The following NKTR variants were observed in gnomAD, a reference collection of about 807,000 sequenced individuals.
NKTR encodes NK-tumor recognition protein.
Under a neutral mutation model 156.3 loss-of-function variants are expected in NKTR, and 67 were observed. The ratio of observed to expected loss-of-function variants is 0.43; its 90% CI spans 0.35 to 0.53. The LOEUF is 0.53. NKTR is among the 20% of genes least tolerant of loss of function. The probability of loss-of-function intolerance (pLI) is 0.01; values close to 1 mark genes in which losing one functional copy is unlikely to be tolerated. For missense variants in NKTR, 1,604 were observed against 1,730.9 expected, an observed-to-expected ratio of 0.93 and a Z score of 1.30; for synonymous variants, 640 against 596.6, an observed-to-expected ratio of 1.07 and a Z score of -1.06.
In NKTR at chr3:42,617,685, A is replaced by G. The variant is rs749487004; in HGVS notation, c.133+41A>G. On this transcript the variant is annotated intron_variant, in intron 3 of 16. Transcript: ENST00000232978. The stretch of plus-strand genomic sequence containing the variant: ...TTTCCAATGAGAAGCTGTGGCTTAC[A>G]GTTTTACCTTGCTGAACAGAATAGA... The G allele has an allele frequency of 2.6e-5, 27 of 1,054,106 alleles. 1 individual carries two copies. The highest frequency in any genetic ancestry group is 3.9e-5 in the Non-Finnish European group (26 of 671,548). The allele number at this position is 1,054,106 out of a possible 1,614,324, so 65.3% of individuals were successfully genotyped here. A position where few individuals can be genotyped will look rare whatever the true frequency, so the allele number is the denominator to read the frequency against.
chr3:42,625,860 T>A (rs1360169866), intron 6 of NKTR, among the ~76,000 whole-genome samples: 1 of 152,204 alleles, frequency 6.6e-6, no homozygotes, highest in African/African-American at 2.4e-5. Flanking sequence ...ACTTACGTGC[T>A]AGCAATGTGG....
intron 6 of NKTR, chr3:42,628,494 C>T: frequency 1.0e-6 from 1 of 985,382 alleles, no homozygotes; most frequent in Non-Finnish European, 1.2e-6. Context: ...GTGGTTTTTA[C>T]AGCCTTTCTA....
intron 2 of NKTR, among the ~76,000 whole-genome samples, chr3:42,609,106 C>T (rs976645670): frequency 6.8e-6 from 1 of 147,830 alleles, no homozygotes; most frequent in Non-Finnish European, 1.5e-5. Flanking sequence ...CCTGCCTGGG[C>T]AATAGAGCAA....
At chr3:42,640,852 GC>G (rs1709829268) in intron 13 of NKTR, among the ~76,000 whole-genome samples, 1 of 152,114 alleles carries the variant, frequency 6.6e-6, no homozygotes, top group African/African-American at 2.4e-5. Flanking sequence ...CTTCCTCATG[GC>G]CTTTTCTCTC....
chr3:42,630,450 T>A (rs1359185585), intron 6 of NKTR, 96 bp from the exon 7 acceptor site: 30 of 1,587,162 alleles, frequency 1.9e-5, no homozygotes, highest in Non-Finnish European at 2.5e-5. Flanking sequence ...TATCTTTACT[T>A]CTTTGTTCTC....
rs551622313 is a variant in NKTR, at chr3:42,629,565, C to G, written c.375-981C>G. On this transcript the variant is annotated intron_variant, in intron 6 of 16. Transcript: ENST00000232978. ...ATATGGCAGCTTCTAGTACAGTTGA[C>G]TGCTTTAACATGGCCTGACATCTAG... is the stretch of plus-strand genomic sequence containing the variant. 11 of 984,142 alleles carry G rather than the reference C, an allele frequency of 1.1e-5. No individual in the cohort carries two copies. In the South Asian group the frequency reaches 4.7e-4, roughly 42 times the overall value. The allele number at this position is 984,142 out of a possible 1,614,324, so 61.0% of individuals were successfully genotyped here.
chr3:42,639,964 C>T (rs1217406303), intron 13 of NKTR, among the ~76,000 whole-genome samples: 3 of 152,102 alleles, frequency 2.0e-5, no homozygotes, highest in African/African-American at 4.8e-5. Context: ...CTATTACTAT[C>T]AGTTTAAAGC....
Position 42,619,064 on chromosome 3 carries a change from A to T in NKTR, c.178A>T (p.Lys60Ter), listed in dbSNP as rs762655241. 3.1e-6 allele frequency: 5 copies of T among 1,608,630 alleles called. No individual in the cohort carries two copies. Residue 60 changes from lysine (K) to a stop codon, truncating the protein, a stop_gained, in exon 4 of 17, where the codon AAA (lysine) becomes TAA (stop). Coordinates refer to ENST00000232978, the MANE Select transcript of NKTR (RefSeq NM_005385.4). LOFTEE classifies it high-confidence loss of function. The stretch of plus-strand genomic sequence containing the variant: ...AACAACTGGGAAGAAGTTATGTTAT[A>T]AAGGTTCTACGTTCCATCGTGTGGT... The part of the protein sequence containing the change: ...GKTTGKKLCY[K>*]GSTFHRVVKN...
chr3:42,606,254 CA>C (rs1279577289), intron 2 of NKTR, among the ~76,000 whole-genome samples: 1 of 152,164 alleles, frequency 6.6e-6, no homozygotes, highest in Non-Finnish European at 1.5e-5. Context: ...TTGTCCCCCC[CA>C]GTTCCCATTT....
At position 42,637,216 on chromosome 3, in the gene NKTR, T is replaced by G. The variant is rs1709506335; in HGVS notation, c.1512T>G (p.Asp504Glu). The stretch of plus-strand genomic sequence containing the variant: ...CAAAGAGAGACTGGTCTAAATCTGA[T>G]AAGGATGTCCAGAGCTCTTTAACCC... ...HSSKRDWSKS[D>E]KDVQSSLTHS... Residue 504 changes from aspartate (D) to glutamate (E), a missense_variant, in exon 13 of 17, where the codon GAT becomes GAG. Transcript: ENST00000232978. The G allele has an allele frequency of 6.2e-7, 1 of 1,611,432 alleles. No individual in the cohort carries two copies. The highest frequency in any genetic ancestry group is 8.5e-7 in the Non-Finnish European group (1 of 1,179,316).
intron 6 of NKTR, chr3:42,629,537 T>C: frequency 1.0e-6 from 1 of 984,182 alleles, no homozygotes; most frequent in East Asian, 1.1e-4. Flanking sequence ...AATACAGAAA[T>C]TTATATGGCA....
chr3:42,613,054 A>G (rs1272164783), intron 2 of NKTR, among the ~76,000 whole-genome samples: 1 of 152,188 alleles, frequency 6.6e-6, no homozygotes, highest in African/African-American at 2.4e-5. Flanking sequence ...TAACTGTACC[A>G]GGCACTACGT....
rs755983686 is a variant in NKTR, at chr3:42,637,991, G to T, written c.2287G>T (p.Gly763Trp). The change falls in exon 13 of 17, where the codon GGG becomes TGG. Residue 763 changes from glycine (G) to tryptophan (W), a missense_variant. Transcript: ENST00000232978. ...RRAKRRLRSS[G>W]KKNSVSHKKH... is the part of the protein sequence containing the mutation. ...AGCTAAGAGGAGACTTAGATCCAGTGGGAAAAAAAATAGCGTTTCACATAA... is the reference window on the plus strand; with the variant it reads ...AGCTAAGAGGAGACTTAGATCCAGTTGGAAAAAAAATAGCGTTTCACATAA... 3 of 1,613,602 alleles carry T rather than the reference G, an allele frequency of 1.9e-6. No individual in the cohort carries two copies. Among genetic ancestry groups the T allele is most frequent in the East Asian group, 2.2e-5 (1 of 44,872 alleles).
intron 6 of NKTR, among the ~76,000 whole-genome samples, chr3:42,626,181 C>A (rs1197658535): frequency 7.1e-6 from 1 of 140,956 alleles, no homozygotes; most frequent in Non-Finnish European, 1.5e-5. Flanking sequence ...TTTTTTTTTG[C>A]AACATTCATT....
At chr3:42,629,193 C>T (rs1032377893) in intron 6 of NKTR, 2 of 984,790 alleles carry the variant, frequency 2.0e-6, no homozygotes, top group African/African-American at 3.5e-5. Flanking sequence ...ACTAGTGGCT[C>T]ACTAATTCAC....
At chr3:42,614,505 A>G (rs1392347220) in intron 2 of NKTR, among the ~76,000 whole-genome samples, 1 of 151,894 alleles carries the variant, frequency 6.6e-6, no homozygotes, top group Non-Finnish European at 1.5e-5. Flanking sequence ...GTATCATCAC[A>G]TGGTAGCCTG....
At chr3:42,607,322 T>G (rs1230111673) in intron 2 of NKTR, among the ~76,000 whole-genome samples, 1 of 152,142 alleles carries the variant, frequency 6.6e-6, no homozygotes, top group Non-Finnish European at 1.5e-5. Flanking sequence ...ACCCCCATGG[T>G]AATAACTGGT....
Position 42,601,069 on chromosome 3 carries a change from G to A in NKTR, c.58+5G>A. On this transcript the variant is annotated splice_donor_5th_base_variant and intron_variant, in intron 2 of 16. Transcript: ENST00000232978. Reference sequence around the variant, plus strand: ...TCGAGATCAACCGGGAGCCGGGTGAGCTGGAAACTGGGGAGCGCTGCTGGG... The same window carrying A: ...TCGAGATCAACCGGGAGCCGGGTGAACTGGAAACTGGGGAGCGCTGCTGGG... The A allele has an allele frequency of 6.4e-7, 1 of 1,566,484 alleles. No individual in the cohort carries two copies. The highest frequency in any genetic ancestry group is 8.6e-7 in the Non-Finnish European group (1 of 1,159,186).
rs1709060369 is a variant in NKTR at position 42,633,043 on chromosome 3, G to A, written c.773+220G>A. On this transcript the variant is annotated intron_variant, in intron 9 of 16. Transcript: ENST00000232978. The stretch of plus-strand genomic sequence containing the variant: ...AGTTTTCGGGTGAAAATAGTCCTAA[G>A]AACTCTTTTTTTAAGAGATAGGGTC... 23 of 1,233,566 alleles carry A rather than the reference G, an allele frequency of 1.9e-5. No homozygotes were observed. In the South Asian group the frequency reaches 6.5e-4, roughly 35 times the overall value. 76.4% of individuals were successfully genotyped at this position (1,233,566 alleles called of 1,614,324 possible).
Sources: gnomAD v4.1 joint callset for allele counts (sites outside exome capture counted in the v4.1 genomes callset) on GRCh38, gnomAD v4.1.1 for gene constraint, MANE v1.5 for transcripts, NCBI Gene and HGNC (gene_info 2026-07-23, HGNC 2026-07-21) for gene names.